PALM2AKAP2: variants seen among roughly 807,000 people sequenced by gnomAD.
PALM2AKAP2 encodes the protein PALM2 and AKAP2 fusion.
In PALM2AKAP2, 37 loss-of-function variants were observed where a neutral mutation model predicts 71.5. That is an observed-to-expected ratio of 0.52 (90% CI 0.40 to 0.68). The LOEUF is 0.68. Ranked by LOEUF, PALM2AKAP2 falls within the 30% of genes least tolerant of loss-of-function variation. The probability of loss-of-function intolerance (pLI) is 0.00; values close to 1 mark genes in which losing one functional copy is unlikely to be tolerated. For synonymous variants in PALM2AKAP2, 468 were observed against 478.8 expected (o/e 0.98, Z 0.29); for missense variants, 1,224 against 1,191.8 (o/e 1.03, Z -0.40).
intron 1 of PALM2AKAP2, among the ~76,000 whole-genome samples, chr9:109,642,773 A>G (rs552043367): frequency 6.6e-6 from 1 of 150,422 alleles, no homozygotes; most frequent in Admixed American, 6.6e-5. Context: ...GCTAGTCTTG[A>G]ACTCCTGGGC....
At chr9:110,155,403 G>T (rs1390722099) in intron 2 of PALM2AKAP2, among the ~76,000 whole-genome samples, 2 of 152,122 alleles carry the variant, frequency 1.3e-5, no homozygotes, top group East Asian at 3.9e-4. Flanking sequence ...GTGCATTTGG[G>T]GCTCTGTGTC....
chr9:109,712,047 T>C (rs1054236496), intron 1 of PALM2AKAP2, among the ~76,000 whole-genome samples: 29 of 151,896 alleles, frequency 1.9e-4, no homozygotes, highest in African/African-American at 7.0e-4. Flanking sequence ...AAGTAGGCTC[T>C]AGAGTAGGCT....
chr9:109,664,861 A>G (rs10125051), intron 1 of PALM2AKAP2, among the ~76,000 whole-genome samples: 17,281 of 152,238 alleles, frequency 0.11, 1,266 homozygotes, highest in Non-Finnish European at 0.16. Flanking sequence ...ACATAGTCCC[A>G]TATTTCTTGG....
At chr9:109,799,544 A>T (rs7854564) in intron 1 of PALM2AKAP2, among the ~76,000 whole-genome samples, 24,004 of 152,164 alleles carry the variant, frequency 0.16, 2,291 homozygotes, top group African/African-American at 0.26. Flanking sequence ...CCCAGGCTGG[A>T]GTGCAGTGGC....
Position 109,943,497 on chromosome 9 carries a change from T to A in PALM2AKAP2, c.496+11469T>A, listed in dbSNP as rs966232477. ...ACTCACGTAGACCTCACTGTACCAC[T>A]AACTGCAATACTGTGAACTGGAAGC... On this transcript the variant is annotated intron_variant, in intron 6 of 9. Transcript: ENST00000302798. 4 of 1,504,834 alleles carry A rather than the reference T, an allele frequency of 2.7e-6. No individual in the cohort carries two copies. In the African/African-American group the frequency reaches 5.6e-5, roughly 21 times the overall value. The allele number at this position is 1,504,834 out of a possible 1,614,324, so 93.2% of individuals were successfully genotyped here.
chr9:110,154,521 T>C (rs1836400255), intron 2 of PALM2AKAP2, among the ~76,000 whole-genome samples: 1 of 152,216 alleles, frequency 6.6e-6, no homozygotes, highest in African/African-American at 2.4e-5. Flanking sequence ...TATGCTAAAA[T>C]CTTGATAAAT....
chr9:109,921,679 C>T (rs1830833173), intron 3 of PALM2AKAP2, among the ~76,000 whole-genome samples: 1 of 152,150 alleles, frequency 6.6e-6, no homozygotes, highest in African/African-American at 2.4e-5. Context: ...AGTTGAGTTT[C>T]CTAGAGGAGG....
At chr9:109,661,145 C>T (rs944057770) in intron 1 of PALM2AKAP2, among the ~76,000 whole-genome samples, 3 of 152,076 alleles carry the variant, frequency 2.0e-5, no homozygotes, top group African/African-American at 7.2e-5. Context: ...TTTCTTTTGC[C>T]ATGCAGAAGC....
At chr9:110,062,127 G>T (rs892979610) in intron 1 of PALM2AKAP2, among the ~76,000 whole-genome samples, 1 of 152,194 alleles carries the variant, frequency 6.6e-6, no homozygotes, top group Non-Finnish European at 1.5e-5. Flanking sequence ...TACATGTGCA[G>T]GACCTACAGG....
intron 1 of PALM2AKAP2, among the ~76,000 whole-genome samples, chr9:109,840,458 C>T (rs1394241558): frequency 2.6e-5 from 4 of 152,182 alleles, no homozygotes; most frequent in Admixed American, 6.5e-5. Flanking sequence ...TAGGCATGGG[C>T]AAGGACTTCA....
chr9:109,844,952 T>TGC (rs770774688), intron 1 of PALM2AKAP2, among the ~76,000 whole-genome samples: 1 of 151,918 alleles, frequency 6.6e-6, no homozygotes, highest in Non-Finnish European at 1.5e-5. Flanking sequence ...TGTGTGTGTG[T>TGC]GTGTGTGCAT....
chr9:110,083,098 G>A (rs947405897), intron 1 of PALM2AKAP2, among the ~76,000 whole-genome samples: 4 of 152,092 alleles, frequency 2.6e-5, no homozygotes, highest in African/African-American at 7.2e-5. Flanking sequence ...TCAAGATCAC[G>A]CCATTGCACT....
chr9:110,082,015 A>G (rs1289883904), intron 1 of PALM2AKAP2, among the ~76,000 whole-genome samples: 1 of 152,130 alleles, frequency 6.6e-6, no homozygotes, highest in African/African-American at 2.4e-5. Context: ...CTGGTCTAGA[A>G]CATCACCTAT....
chr9:109,741,496 T>C (rs1828715160), intron 1 of PALM2AKAP2, among the ~76,000 whole-genome samples: 1 of 152,350 alleles, frequency 6.6e-6, no homozygotes, highest in African/African-American at 2.4e-5. Flanking sequence ...TGCTGGGTCA[T>C]AGGGCGACAG....
At chr9:110,024,824 TG>T (rs1337608342) in intron 7 of PALM2AKAP2, 21 of 687,602 alleles carry the variant, frequency 3.1e-5, no homozygotes, top group East Asian at 5.3e-5. Context: ...TTGGGTTTTT[TG>T]TTTTTTTTTT....
chr9:109,687,810 C>G (rs1827825292), intron 1 of PALM2AKAP2, among the ~76,000 whole-genome samples: 1 of 152,230 alleles, frequency 6.6e-6, no homozygotes, highest in Non-Finnish European at 1.5e-5. Flanking sequence ...GCCTTTCTCA[C>G]TAAGCTTAGT....
chr9:110,064,706 G>A (rs78115476), intron 1 of PALM2AKAP2, among the ~76,000 whole-genome samples: 1 of 152,168 alleles, frequency 6.6e-6, no homozygotes, highest in African/African-American at 2.4e-5. Context: ...ATCCCAAGCT[G>A]TCACACTTCT....
At chr9:109,801,455 AGGTAGT>A (rs1827426954) in intron 1 of PALM2AKAP2, among the ~76,000 whole-genome samples, 11 of 152,270 alleles carry the variant, frequency 7.2e-5, no homozygotes, top group Admixed American at 7.2e-4. Flanking sequence ...AATGTATGGA[AGGTAGT>A]GCAGGTGCAT....
intron 1 of PALM2AKAP2, among the ~76,000 whole-genome samples, chr9:109,667,272 C>A (rs188303949): frequency 2.2e-4 from 33 of 152,238 alleles, no homozygotes; most frequent in African/African-American, 7.5e-4. Context: ...CAGCTATCCC[C>A]TAAAGGAAGA....
Sources: gnomAD v4.1 joint callset for allele counts (sites outside exome capture counted in the v4.1 genomes callset) on GRCh38, gnomAD v4.1.1 for gene constraint, MANE v1.5 for transcripts, NCBI Gene and HGNC (gene_info 2026-07-23, HGNC 2026-07-21) for gene names.